SCAMP1: variants seen among roughly 807,000 people sequenced by gnomAD.
SCAMP1 encodes the protein secretory carrier-associated membrane protein 1.
SCAMP1 carries 15 observed loss-of-function variants against 41.8 expected under a neutral mutation model. The ratio of observed to expected loss-of-function variants is 0.36; its 90% CI spans 0.24 to 0.55. The LOEUF is 0.55. Ranked by LOEUF, SCAMP1 falls within the 20% of genes least tolerant of loss-of-function variation. SCAMP1 has a pLI of 0.86. For missense variants in SCAMP1, 341 were observed against 412.6 expected (o/e 0.83, Z 1.50); for synonymous variants, 135 against 136.8 (o/e 0.99, Z 0.09).
At chr5:78,469,961 G>C (rs1753845998) in intron 8 of SCAMP1, among the ~76,000 whole-genome samples, 2 of 134,422 alleles carry the variant, frequency 1.5e-5, no homozygotes, top group Admixed American at 1.5e-4. Context: ...ATGGTGGTGT[G>C]AGTTTATTGT....
At chr5:78,368,529 A>G (rs1469826100) in intron 1 of SCAMP1, among the ~76,000 whole-genome samples, 1 of 152,248 alleles carries the variant, frequency 6.6e-6, no homozygotes, top group Non-Finnish European at 1.5e-5. Context: ...GCTGAAAAAT[A>G]TATATTGGCT....
At chr5:78,363,127 C>T (rs189703129) in intron 1 of SCAMP1, among the ~76,000 whole-genome samples, 7 of 151,724 alleles carry the variant, frequency 4.6e-5, no homozygotes, top group African/African-American at 9.7e-5. Flanking sequence ...CTCCTGACCT[C>T]GTGATCCACC....
intron 2 of SCAMP1, among the ~76,000 whole-genome samples, chr5:78,408,185 C>CA (rs1365046223): frequency 6.6e-6 from 1 of 152,096 alleles, no homozygotes. Context: ...GGAGGCCTCA[C>CA]AATCATGGTG....
chr5:78,402,086 GTTA>G (rs1751813412), intron 2 of SCAMP1, among the ~76,000 whole-genome samples: 1 of 151,082 alleles, frequency 6.6e-6, no homozygotes, highest in Non-Finnish European at 1.5e-5. Context: ...TCTGACTTGT[GTTA>G]TTTAGAAGTA....
At chr5:78,365,457 G>A (rs1009271619) in intron 1 of SCAMP1, among the ~76,000 whole-genome samples, 4 of 121,838 alleles carry the variant, frequency 3.3e-5, no homozygotes, top group Admixed American at 1.1e-4. Context: ...CTGGGCGACA[G>A]TGCGAGACTC....
intron 6 of SCAMP1, among the ~76,000 whole-genome samples, chr5:78,444,809 C>T (rs888194261): frequency 2.0e-5 from 3 of 152,176 alleles, no homozygotes; most frequent in Admixed American, 6.5e-5. Context: ...TTATCAGTTG[C>T]TTTCTGTGTG....
intron 1 of SCAMP1, among the ~76,000 whole-genome samples, chr5:78,384,208 A>G (rs985896730): frequency 7.1e-5 from 9 of 127,636 alleles, no homozygotes; most frequent in Admixed American, 1.6e-4. Flanking sequence ...CTATTTTAAA[A>G]GGGGTGGAGT....
intron 5 of SCAMP1, 82 bp downstream of exon 5, chr5:78,418,985 T>A: frequency 8.6e-7 from 1 of 1,164,556 alleles, no homozygotes; most frequent in Non-Finnish European, 1.2e-6. Context: ...AAGGATAGTA[T>A]AGCAAACCAG....
At chr5:78,447,820 C>A (rs1478138003) in intron 6 of SCAMP1, among the ~76,000 whole-genome samples, 2 of 133,250 alleles carry the variant, frequency 1.5e-5, no homozygotes, top group African/African-American at 5.6e-5. Flanking sequence ...TCCCTCCTCC[C>A]CCTCTCCCTC....
chr5:78,449,916 C>CTTT lies in SCAMP1; in HGVS notation c.633-8_633-6dup. ...CCCTAACCCCCTTTTTTCTTTCTTT[C>CTTT]TTTTTTTTTTTCAAAGGAGTGACAG... is the stretch of plus-strand genomic sequence containing the variant. On this transcript the variant is annotated splice_polypyrimidine_tract_variant and intron_variant, in intron 6 of 8. Coordinates refer to ENST00000621999, the MANE Select transcript of SCAMP1 (RefSeq NM_004866.6). The CTTT allele has an allele frequency of 5.5e-6, 6 of 1,089,538 alleles. No homozygotes were observed. Among genetic ancestry groups the CTTT allele is most frequent in the South Asian group, 1.9e-5 (1 of 53,486 alleles). 67.5% of individuals were successfully genotyped at this position (1,089,538 alleles called of 1,614,324 possible).
In SCAMP1 at chr5:78,415,531, C is replaced by A. The variant is rs371574366; in HGVS notation, c.147C>A (p.Gly49=). The A allele has an allele frequency of 2.5e-6, 4 of 1,599,934 alleles. No homozygotes were observed. The highest frequency in any genetic ancestry group is 2.3e-5 in the South Asian group (2 of 88,472). ...CTTAATCCTCCTAGCCTCCACCAGG[C>A]GGTGTGAAGATGCCTAATGTACCCA... ...PFSDSRTPPP[G]GVKMPNVPNT... Residue 49 remains glycine, a synonymous_variant, in exon 3 of 9, where the codon GGC becomes GGA. Transcript: ENST00000621999.
chr5:78,452,661 G>A lies in SCAMP1; in HGVS notation c.734+2627G>A, dbSNP rs1753269535. Among the ~76,000 whole-genome samples the A allele has an allele frequency of 3.3e-5, 5 of 151,748 alleles. No homozygotes were observed. In the South Asian group the frequency reaches 1.0e-3, roughly 32 times the overall value. On this transcript the variant is annotated intron_variant, in intron 7 of 8. Coordinates refer to ENST00000621999, the MANE Select transcript of SCAMP1 (RefSeq NM_004866.6). ...CTGCAATAAACATACGTGTGCATGT[G>A]TCTTTATAGCAGCATGATTTATAGT...
At chr5:78,462,943 T>C (rs751880931) in intron 8 of SCAMP1, among the ~76,000 whole-genome samples, 2 of 152,190 alleles carry the variant, frequency 1.3e-5, no homozygotes, top group Non-Finnish European at 2.9e-5. Context: ...AATAAGTCCT[T>C]ATAATTTTTT....
chr5:78,386,317 T>C (rs1751340339), intron 1 of SCAMP1, among the ~76,000 whole-genome samples: 1 of 152,138 alleles, frequency 6.6e-6, no homozygotes, highest in Non-Finnish European at 1.5e-5. Flanking sequence ...TATCTTTTTC[T>C]AGGCCTTTAC....
intron 7 of SCAMP1, chr5:78,458,051 G>C (rs868714486): frequency 4.6e-5 from 7 of 153,208 alleles, no homozygotes; most frequent in African/African-American, 1.7e-4. Context: ...GCTTGTGCAC[G>C]GTGCGCGCAC....
chr5:78,456,437 C>T (rs1483960918), intron 7 of SCAMP1, among the ~76,000 whole-genome samples: 1 of 151,972 alleles, frequency 6.6e-6, no homozygotes, highest in Non-Finnish European at 1.5e-5. Flanking sequence ...TTCTCCTTCA[C>T]TTATGAAGTT....
At chr5:78,405,954 G>T (rs1292784708) in intron 2 of SCAMP1, among the ~76,000 whole-genome samples, 1 of 152,138 alleles carries the variant, frequency 6.6e-6, no homozygotes, top group Non-Finnish European at 1.5e-5. Flanking sequence ...ATTAGTATGT[G>T]TAAACTTTCA....
intron 6 of SCAMP1, among the ~76,000 whole-genome samples, chr5:78,435,715 A>G (rs1752736282): frequency 6.6e-6 from 1 of 152,128 alleles, no homozygotes; most frequent in African/African-American, 2.4e-5. Context: ...TAGTAGCATG[A>G]TTTGTAATCC....
At chr5:78,449,318 A>G (rs1753157415) in intron 6 of SCAMP1, among the ~76,000 whole-genome samples, 1 of 152,202 alleles carries the variant, frequency 6.6e-6, no homozygotes, top group South Asian at 2.1e-4. Flanking sequence ...ATGAAAAGGA[A>G]TGAACTTTTG....
Sources: allele counts gnomAD v4.1 joint callset (sites outside exome capture counted in the v4.1 genomes callset), GRCh38; gene constraint gnomAD v4.1.1; transcripts MANE v1.5; gene names NCBI Gene and HGNC (gene_info 2026-07-23, HGNC 2026-07-21).